Variants in LINC00632 observed in about 807,000 individuals in gnomAD.
LINC00632 encodes long independently transcribed non-coding RNA 632, also known as ALDOA related specific transcript.
intron 3 of LINC00632, among the ~76,000 whole-genome samples, chrX:140,734,529 TATA>T (rs965991531): frequency 5.4e-5 from 6 of 110,554 alleles, no homozygotes; most frequent in African/African-American, 2.0e-4. Flanking sequence ...TCACATAATG[TATA>T]ATAATGAATA....
At chrX:140,744,579 TGG>T (rs1569352119) in intron 3 of LINC00632, among the ~76,000 whole-genome samples, 10 of 11,247 alleles carry the variant, frequency 8.9e-4, no homozygotes, top group Non-Finnish European at 1.8e-3. Context: ...GGGGGGGGGG[TGG>T]GGGGAGGAGA....
At chrX:140,739,972 A>G (rs1931199636) in intron 3 of LINC00632, among the ~76,000 whole-genome samples, 1 of 112,460 alleles carries the variant, frequency 8.9e-6, no homozygotes, top group Non-Finnish European at 1.9e-5. Flanking sequence ...AAAACTTAAA[A>G]TGTGATTCTC....
chrX:140,751,033 G>A (rs757148439), intron 3 of LINC00632, among the ~76,000 whole-genome samples: 6 of 111,654 alleles, frequency 5.4e-5, no homozygotes, highest in Non-Finnish European at 9.4e-5. Flanking sequence ...TGATGAAGAC[G>A]TAGATTGGTT....
chrX:140,776,616 G>A (rs969755747), exon 5 of LINC00632, among the ~76,000 whole-genome samples: 13 of 112,270 alleles, frequency 1.2e-4, no homozygotes, highest in Non-Finnish European at 2.3e-4. Flanking sequence ...CAGTCAGGAT[G>A]GCGATTATTA....
At chrX:140,743,224 CAAAAAAAAAAAAAAAAAAAAAAAA>C (rs58322122) in intron 3 of LINC00632, among the ~76,000 whole-genome samples, 4 of 44,354 alleles carry the variant, frequency 9.0e-5, no homozygotes, top group East Asian at 6.3e-4. Flanking sequence ...AACGCTGTCT[CAAAAAAAAAAAAAAAAAAAAAAAA>C]AAAAAAAAAA....
chrX:140,712,589 G>A (rs1009690964), intron 2 of LINC00632, among the ~76,000 whole-genome samples: 3 of 110,105 alleles, frequency 2.7e-5, no homozygotes, highest in African/African-American at 6.6e-5. Flanking sequence ...AAAGGAGCTA[G>A]GGTGAGTCCT....
intron 3 of LINC00632, among the ~76,000 whole-genome samples, chrX:140,739,231 C>A (rs935378180): frequency 2.8e-5 from 3 of 108,216 alleles, no homozygotes; most frequent in Admixed American, 2.0e-4. Flanking sequence ...CTTTTTTTTT[C>A]TTTTTGAGAT....
At chrX:140,715,106 G>A (rs1399909327) in intron 2 of LINC00632, among the ~76,000 whole-genome samples, 2 of 111,317 alleles carry the variant, frequency 1.8e-5, no homozygotes, top group African/African-American at 6.5e-5. Context: ...TCAGGCTGTA[G>A]AGACACCTAA....
At chrX:140,783,729 C>T (rs779127406) in exon 5 of LINC00632, 2 of 1,211,186 alleles carry the variant, frequency 1.7e-6, no homozygotes, top group Non-Finnish European at 2.2e-6. Flanking sequence ...TCCAGTCAAT[C>T]CACATCTTCC....
exon 5 of LINC00632, chrX:140,784,624 C>G (rs928686095): frequency 1.1e-4 from 48 of 420,953 alleles, no homozygotes; most frequent in Non-Finnish European, 2.0e-4. Flanking sequence ...TGCTGATCTT[C>G]TGACATTCAG....
chrX:140,728,039 G>A (rs1414391885), intron 2 of LINC00632, among the ~76,000 whole-genome samples: 3 of 110,734 alleles, frequency 2.7e-5, no homozygotes, highest in Non-Finnish European at 3.8e-5. Context: ...TTGGGAGTTC[G>A]AGATCAGCCT....
In LINC00632 at chrX:140,724,660, G is replaced by A. The variant is rs181249128; in HGVS notation, n.105-9218G>A. On this transcript the variant is annotated intron_variant and non_coding_transcript_variant, in intron 2 of 4. Transcript: ENST00000648200. ...CACACTTCCATACACACAGAGACAC[G>A]TTCCATGCCCACACATTCCATACAC... 2.8e-4 allele frequency among the ~76,000 whole-genome samples: 11 copies of A among 38,799 alleles called. No individual in the cohort carries two copies. In the East Asian group the frequency reaches 0.011, roughly 38 times the overall value. The allele number at this position is 38,799 out of a possible 115,157, so 33.7% of individuals were successfully genotyped here. A position where few individuals can be genotyped will look rare whatever the true frequency, so the allele number is the denominator to read the frequency against.
intron 3 of LINC00632, among the ~76,000 whole-genome samples, chrX:140,760,452 T>A (rs1031420536): frequency 1.8e-5 from 2 of 109,699 alleles, no homozygotes; most frequent in Non-Finnish European, 3.8e-5. Context: ...GGGAAAGGAG[T>A]GAGGGATGTG....
chrX:140,716,039 A>G (rs185545946), intron 2 of LINC00632: 50 of 112,370 alleles, frequency 4.4e-4, no homozygotes, highest in African/African-American at 1.5e-3. Flanking sequence ...ACACAGACTT[A>G]CTCTACAGTG....
exon 5 of LINC00632, among the ~76,000 whole-genome samples, chrX:140,789,219 A>G (rs949189267): frequency 2.7e-5 from 3 of 109,363 alleles, no homozygotes; most frequent in East Asian, 2.8e-4. Context: ...TAGAATAATA[A>G]TATTATTAAC....
chrX:140,753,768 C>CTTTTTTTTTTTTTT lies in LINC00632; in HGVS notation n.192-18298_192-18285dup, dbSNP rs752596283. On this transcript the variant is annotated intron_variant and non_coding_transcript_variant, in intron 3 of 4. Coordinates refer to ENST00000648200, the Ensembl canonical transcript of LINC00632. ...TTTCTTTTCTTTTCTTTCTTTCTTTCTTTTTTTTTTTTTTTTTTTTTTTTT... is the reference window on the plus strand; with the variant it reads ...TTTCTTTTCTTTTCTTTCTTTCTTTCTTTTTTTTTTTTTTTTTTTTTTTTTTTTTTTTTTTTTTT... 5.8e-4 allele frequency among the ~76,000 whole-genome samples: 29 copies of CTTTTTTTTTTTTTT among 49,739 alleles called. 1 individual carries two copies. The highest frequency in any genetic ancestry group is 2.8e-3 in the South Asian group (2 of 710). 43.2% of individuals were successfully genotyped at this position (49,739 alleles called of 115,157 possible). A position where few individuals can be genotyped will look rare whatever the true frequency, so the allele number is the denominator to read the frequency against.
chrX:140,787,186 AC>A (rs1236910150), exon 5 of LINC00632, among the ~76,000 whole-genome samples: 1 of 111,478 alleles, frequency 9.0e-6, no homozygotes, highest in African/African-American at 3.3e-5. Flanking sequence ...GTGAAAAAAA[AC>A]AAATTCTCAA....
At chrX:140,751,812 C>T (rs1273321609) in intron 3 of LINC00632, among the ~76,000 whole-genome samples, 2 of 111,530 alleles carry the variant, frequency 1.8e-5, no homozygotes, top group Non-Finnish European at 3.8e-5. Flanking sequence ...TTATTCAGTT[C>T]CCTGCAGCAA....
At chrX:140,724,495 C>CAT (rs1840143110) in intron 2 of LINC00632, among the ~76,000 whole-genome samples, 2 of 111,926 alleles carry the variant, frequency 1.8e-5, no homozygotes, top group African/African-American at 6.6e-5. Context: ...ACACACATTC[C>CAT]ATACACACAC....
Sources: allele counts gnomAD v4.1 joint callset (sites outside exome capture counted in the v4.1 genomes callset), GRCh38; gene constraint gnomAD v4.1.1; transcripts MANE v1.5; gene names NCBI Gene and HGNC (gene_info 2026-07-23, HGNC 2026-07-21).